Variants in OTUD7A observed in about 807,000 individuals in gnomAD.
OTUD7A encodes the protein OTU domain-containing protein 7A.
A neutral mutation model predicts 65.7 loss-of-function variants in OTUD7A; 12 were observed. The ratio of observed to expected loss-of-function variants is 0.18; its 90% CI spans 0.12 to 0.30. The LOEUF is 0.30. Among genes scored for constraint, OTUD7A ranks in the 10% least tolerant of loss-of-function variants. The probability of loss-of-function intolerance (pLI) is 1.00; values close to 1 mark genes in which losing one functional copy is unlikely to be tolerated. For missense variants in OTUD7A, 1,148 were observed against 1,304.8 expected, an observed-to-expected ratio of 0.88 and a Z score of 1.85; for synonymous variants, 641 against 586.3, an observed-to-expected ratio of 1.09 and a Z score of -1.35.
chr15:31,677,413 T>C (rs1892618277), intron 1 of OTUD7A, among the ~76,000 whole-genome samples: 1 of 152,150 alleles, frequency 6.6e-6, no homozygotes, highest in Admixed American at 6.5e-5. Context: ...GTCCATCCAA[T>C]ATGGTTTGGC....
intron 6 of OTUD7A, among the ~76,000 whole-genome samples, chr15:31,528,020 T>C (rs923461924): frequency 6.6e-6 from 1 of 152,230 alleles, no homozygotes; most frequent in Non-Finnish European, 1.5e-5. Context: ...AATCCATCCA[T>C]CCATCCGTCC....
chr15:31,799,184 C>G (rs966905954), intron 1 of OTUD7A, among the ~76,000 whole-genome samples: 1 of 152,180 alleles, frequency 6.6e-6, no homozygotes, highest in Non-Finnish European at 1.5e-5. Flanking sequence ...GAGAGGAGGG[C>G]ACCTGGACAT....
intron 1 of OTUD7A, among the ~76,000 whole-genome samples, chr15:31,658,869 TAA>T (rs149855057): frequency 1.1e-4 from 13 of 120,642 alleles, no homozygotes; most frequent in Admixed American, 1.7e-4. Context: ...CTCTACTAAT[TAA>T]AAAAAAAAAA....
rs1437536982 is a variant in OTUD7A, at chr15:31,484,842, C to T, written c.1372-118G>A. On this transcript the variant is annotated intron_variant, in intron 12 of 12. Coordinates refer to ENST00000307050, the MANE Select transcript of OTUD7A (RefSeq NM_001382637.1). This position sits in a 1 kb window ranked among gnomAD's most constrained non-coding sequence, Gnocchi z 4.5. ...GGCTAGGGCCCTGGACCTTCACTGTCCCAGTCCCCACTGTCGCTCTGGTGA... is the reference window on the plus strand; with the variant it reads ...GGCTAGGGCCCTGGACCTTCACTGTTCCAGTCCCCACTGTCGCTCTGGTGA... 2.1e-6 allele frequency: 3 copies of T among 1,461,814 alleles called. No individual in the cohort carries two copies. Among genetic ancestry groups the T allele is most frequent in the East Asian group, 2.5e-5 (1 of 40,508 alleles). 90.6% of individuals were successfully genotyped at this position (1,461,814 alleles called of 1,614,324 possible).
At chr15:31,837,819 A>G (rs1334106051) in intron 1 of OTUD7A, among the ~76,000 whole-genome samples, 1 of 152,256 alleles carries the variant, frequency 6.6e-6, no homozygotes, top group East Asian at 1.9e-4. Flanking sequence ...TGGAATAGCT[A>G]AAATAACTTT....
At chr15:31,821,016 C>T (rs1407235183) in intron 1 of OTUD7A, among the ~76,000 whole-genome samples, 1 of 152,034 alleles carries the variant, frequency 6.6e-6, no homozygotes, top group Non-Finnish European at 1.5e-5. Context: ...TATTGGTTTG[C>T]CTATTCTGGG....
At chr15:31,804,961 G>T (rs1288288948) in intron 1 of OTUD7A, among the ~76,000 whole-genome samples, 1 of 152,192 alleles carries the variant, frequency 6.6e-6, no homozygotes, top group Non-Finnish European at 1.5e-5. Context: ...CATCATAATT[G>T]TCCCAGGCAC....
At chr15:31,800,223 T>G (rs556614104) in intron 1 of OTUD7A, among the ~76,000 whole-genome samples, 32 of 152,240 alleles carry the variant, frequency 2.1e-4, no homozygotes, top group African/African-American at 6.5e-4. Context: ...AAGTAGGAGC[T>G]TTAGAGCCTG....
At chr15:31,683,954 G>A (rs148566428) in intron 1 of OTUD7A, among the ~76,000 whole-genome samples, 8,939 of 152,166 alleles carry the variant, frequency 0.059, 893 homozygotes, top group African/African-American at 0.2. Context: ...ACTCCCCTGA[G>A]GAAAGAATGG....
chr15:31,832,297 C>T (rs1005555925), intron 1 of OTUD7A, among the ~76,000 whole-genome samples: 1 of 152,208 alleles, frequency 6.6e-6, no homozygotes, highest in African/African-American at 2.4e-5. Context: ...AAGGGAACCT[C>T]ATGTGCTCAA....
At chr15:31,565,958 C>T (rs555855738) in intron 4 of OTUD7A, among the ~76,000 whole-genome samples, 101 of 152,132 alleles carry the variant, frequency 6.6e-4, no homozygotes, top group African/African-American at 2.3e-3. Context: ...TTTGGGAGGC[C>T]GAGGTAGGTG....
At chr15:31,849,830 G>A (rs1318966434) in intron 1 of OTUD7A, among the ~76,000 whole-genome samples, 1 of 152,160 alleles carries the variant, frequency 6.6e-6, no homozygotes, top group Admixed American at 6.5e-5. Context: ...TCACAGAAAT[G>A]CAAATCAAAA....
intron 1 of OTUD7A, among the ~76,000 whole-genome samples, chr15:31,848,921 G>C (rs945885657): frequency 6.6e-6 from 1 of 152,184 alleles, no homozygotes; most frequent in Non-Finnish European, 1.5e-5. Flanking sequence ...CAACTTCAGA[G>C]TTAGAAACAG....
At chr15:31,709,353 G>A (rs1214725248) in intron 1 of OTUD7A, among the ~76,000 whole-genome samples, 4 of 152,168 alleles carry the variant, frequency 2.6e-5, no homozygotes, top group Admixed American at 2.6e-4. Context: ...TGCCAGCGGG[G>A]CACCACAGGT....
At chr15:31,499,526 C>T (rs376042495) in intron 10 of OTUD7A, among the ~76,000 whole-genome samples, 133 of 152,372 alleles carry the variant, frequency 8.7e-4, no homozygotes, top group Non-Finnish European at 1.6e-3. Flanking sequence ...GCTGAGATGT[C>T]GTGTGACTTG....
rs113533870 is a variant in OTUD7A, at chr15:31,492,601, A to C, written c.1172-5035T>G. 6.4e-3 allele frequency among the ~76,000 whole-genome samples: 947 copies of C among 147,884 alleles called. 4 individuals are homozygous for C. The highest frequency in any genetic ancestry group is 0.013 in the South Asian group (62 of 4,706). On this transcript the variant is annotated intron_variant, in intron 10 of 12. Coordinates refer to ENST00000307050, the MANE Select transcript of OTUD7A (RefSeq NM_001382637.1). The stretch of plus-strand genomic sequence containing the variant: ...CTGTCTCAAAAAAAAAAAAAAAAAC[A>C]AATCTCATTAATTAAAGATGTTTAT...
chr15:31,622,579 G>A (rs1045898244), intron 3 of OTUD7A, among the ~76,000 whole-genome samples: 4 of 152,100 alleles, frequency 2.6e-5, no homozygotes, highest in East Asian at 3.9e-4. Context: ...TTGTGCATTC[G>A]TCGCGTAGTT....
intron 1 of OTUD7A, among the ~76,000 whole-genome samples, chr15:31,765,522 G>A (rs2051313452): frequency 6.6e-6 from 1 of 152,160 alleles, no homozygotes; most frequent in South Asian, 2.1e-4. Context: ...TTACTGGATA[G>A]CTGTGTTAAA....
chr15:31,657,471 C>A (rs900349242), intron 1 of OTUD7A, among the ~76,000 whole-genome samples: 1 of 151,914 alleles, frequency 6.6e-6, no homozygotes, highest in Non-Finnish European at 1.5e-5. Flanking sequence ...ATCCTCCTTG[C>A]CTCAGCCTCC....
Sources: gnomAD v4.1 joint callset for allele counts (sites outside exome capture counted in the v4.1 genomes callset) on GRCh38, gnomAD v4.1.1 for gene constraint, Gnocchi (gnomAD v3.1) non-coding constraint, MANE v1.5 for transcripts, NCBI Gene and HGNC (gene_info 2026-07-23, HGNC 2026-07-21) for gene names.